Variants in EGLN1 observed in about 807,000 individuals in gnomAD.
The protein encoded by EGLN1 is egl-9 family hypoxia inducible factor 1.
EGLN1 carries 17 observed loss-of-function variants against 38.3 expected under a neutral mutation model. That is an observed-to-expected ratio of 0.44 (90% CI 0.30 to 0.67). The LOEUF (loss-of-function observed/expected upper bound fraction) is 0.67. Among genes scored for constraint, EGLN1 ranks in the 30% least tolerant of loss-of-function variants. EGLN1 has a pLI of 0.08. For synonymous variants in EGLN1, 283 were observed against 257.5 expected, an observed-to-expected ratio of 1.10 and a Z score of -0.95; for missense variants, 477 against 603.3, an observed-to-expected ratio of 0.79 and a Z score of 2.19.
chr1:231,421,908 A>T lies in EGLN1; in HGVS notation c.-20T>A. On this transcript the variant is annotated 5_prime_UTR_variant, in exon 1 of 5. Coordinates refer to ENST00000366641, the MANE Select transcript of EGLN1 (RefSeq NM_022051.3). The surrounding 1 kb of genome is among the most constrained non-coding windows in gnomAD (Gnocchi z 5.5). ...GGCCATGGCGGCGGCGGCGGCGGCGACGGCGACTGCGGCGGCCGAGCAGGA... is the reference window on the plus strand; with the variant it reads ...GGCCATGGCGGCGGCGGCGGCGGCGTCGGCGACTGCGGCGGCCGAGCAGGA... 1 of 1,391,668 alleles carries T rather than the reference A, an allele frequency of 7.2e-7. No homozygotes were observed. The highest frequency in any genetic ancestry group is 9.2e-7 in the Non-Finnish European group (1 of 1,082,818). The allele number at this position is 1,391,668 out of a possible 1,614,324, so 86.2% of individuals were successfully genotyped here.
At chr1:231,407,383 T>C (rs1385538826) in intron 1 of EGLN1, among the ~76,000 whole-genome samples, 1 of 152,182 alleles carries the variant, frequency 6.6e-6, no homozygotes, top group Non-Finnish European at 1.5e-5. Context: ...TCCACGTAAT[T>C]GACATTTTGA....
intron 1 of EGLN1, among the ~76,000 whole-genome samples, chr1:231,419,521 C>T (rs1009876551): frequency 1.3e-5 from 2 of 152,198 alleles, no homozygotes; most frequent in Admixed American, 6.5e-5. Context: ...TGCTCTGGAG[C>T]TCAGGACTTT....
rs1656627375 is a variant in EGLN1 at position 231,421,767 on chromosome 1, TAGA to T, written c.119_121del (p.Phe40del). 1 of 1,555,368 alleles carries T rather than the reference TAGA, an allele frequency of 6.4e-7. No individual in the cohort carries two copies. The highest frequency in any genetic ancestry group is 1.4e-5 in the African/African-American group (1 of 71,468). ...CTGACGCTGGTGCTCCTTGCAGCAG[TAGA>T]AGGAGCTGCGGCAGCGGCTGCAGCG... On this transcript the variant is annotated inframe_deletion, in exon 1 of 5. Transcript: ENST00000366641. The surrounding 1 kb of genome is among the most constrained non-coding windows in gnomAD (Gnocchi z 5.5).
At chr1:231,382,839 T>A (rs962979707) in intron 1 of EGLN1, among the ~76,000 whole-genome samples, 3 of 151,954 alleles carry the variant, frequency 2.0e-5, no homozygotes, top group Admixed American at 6.6e-5. Context: ...AGGTGGATCA[T>A]CTGAGGTCAG....
At chr1:231,414,656 G>C (rs888361972) in intron 1 of EGLN1, among the ~76,000 whole-genome samples, 6 of 151,422 alleles carry the variant, frequency 4.0e-5, no homozygotes, top group South Asian at 2.1e-4. Flanking sequence ...AAAGGGAGAA[G>C]AAAGTCTCGA....
intron 1 of EGLN1, among the ~76,000 whole-genome samples, chr1:231,413,441 T>C (rs1572051202): frequency 6.6e-6 from 1 of 152,164 alleles, no homozygotes. Flanking sequence ...CTTCCACATA[T>C]CCACATAACT....
intron 2 of EGLN1, among the ~76,000 whole-genome samples, chr1:231,372,547 C>CA (rs1255940125): frequency 6.6e-6 from 1 of 152,120 alleles, no homozygotes; most frequent in Non-Finnish European, 1.5e-5. Flanking sequence ...GAAAAAAAGT[C>CA]AATTTTTAAA....
At chr1:231,378,452 A>G (rs994962401) in intron 1 of EGLN1, among the ~76,000 whole-genome samples, 18 of 152,130 alleles carry the variant, frequency 1.2e-4, no homozygotes, top group Admixed American at 5.9e-4. Flanking sequence ...AATATATATG[A>G]TTAAGGATGT....
chr1:231,372,221 T>C lies in EGLN1; in HGVS notation c.1012-1523A>G, dbSNP rs142320648. Among the ~76,000 whole-genome samples, 283 of 152,352 alleles carry C rather than the reference T, an allele frequency of 1.9e-3. 1 individual carries two copies. The highest frequency in any genetic ancestry group is 6.5e-3 in the African/African-American group (269 of 41,574). ...GACACTTTGCATAACTATCTGTAAC[T>C]GTCAATCTTTCTGATCTGTATCCTC... On this transcript the variant is annotated intron_variant, in intron 2 of 4. Coordinates refer to ENST00000366641, the MANE Select transcript of EGLN1 (RefSeq NM_022051.3).
intron 1 of EGLN1, among the ~76,000 whole-genome samples, chr1:231,388,953 C>T (rs575481659): frequency 1.3e-5 from 2 of 152,206 alleles, no homozygotes; most frequent in South Asian, 4.1e-4. Flanking sequence ...CCGCGCCCAG[C>T]CTAGCTAGTC....
Position 231,421,986 on chromosome 1 carries a change from G to A in EGLN1, c.-98C>T. On this transcript the variant is annotated 5_prime_UTR_variant, in exon 1 of 5. Coordinates refer to ENST00000366641, the MANE Select transcript of EGLN1 (RefSeq NM_022051.3). This position sits in a 1 kb window ranked among gnomAD's most constrained non-coding sequence, Gnocchi z 5.5. ...AGGCTGGGGAGCGGGGAGAGAGATA[G>A]GGGCCGTTACTGCGCCATGCACCCG... is the stretch of plus-strand genomic sequence containing the variant. The A allele has an allele frequency of 7.1e-6, 9 of 1,264,740 alleles. No homozygotes were observed. In the South Asian group the frequency reaches 1.8e-4, roughly 25 times the overall value. 78.3% of individuals were successfully genotyped at this position (1,264,740 alleles called of 1,614,324 possible).
At chr1:231,413,319 G>A (rs1468352263) in intron 1 of EGLN1, among the ~76,000 whole-genome samples, 3 of 151,870 alleles carry the variant, frequency 2.0e-5, no homozygotes, top group South Asian at 2.1e-4. Flanking sequence ...CAAGTGATCC[G>A]CCCACCTCGA....
intron 1 of EGLN1, among the ~76,000 whole-genome samples, chr1:231,418,495 G>A (rs1469205950): frequency 3.3e-5 from 5 of 152,116 alleles, no homozygotes; most frequent in Admixed American, 3.3e-4. Flanking sequence ...TATAGTAAGT[G>A]GTAGACCTCT....
chr1:231,383,502 C>G (rs2491408), intron 1 of EGLN1, among the ~76,000 whole-genome samples: 82,947 of 152,066 alleles, frequency 0.55, 24,247 homozygotes, highest in Non-Finnish European at 0.65. Flanking sequence ...GAGAAAGTGA[C>G]AAACGTGCAG....
At chr1:231,380,208 T>A (rs1225812494) in intron 1 of EGLN1, among the ~76,000 whole-genome samples, 1 of 150,680 alleles carries the variant, frequency 6.6e-6, no homozygotes, top group East Asian at 2.0e-4. Flanking sequence ...ATAAAGTCAT[T>A]TAGAATAAGA....
chr1:231,364,974 TAAG>T lies in EGLN1; in HGVS notation c.*1434_*1436del, dbSNP rs201012894. On this transcript the variant is annotated 3_prime_UTR_variant, in exon 5 of 5. Transcript: ENST00000366641. ...ATTCCTTCCTTGTTTAAAAAGTAAA[TAAG>T]AAAACCCATGAAACAAAATAAAATT... 2.3e-3 allele frequency: 348 copies of T among 152,276 alleles called. 1 individual carries two copies. Among genetic ancestry groups the T allele is most frequent in the African/African-American group, 8.0e-3 (331 of 41,560 alleles). 9.4% of individuals were successfully genotyped at this position (152,276 alleles called of 1,614,324 possible).
chr1:231,385,898 T>C (rs1045893597), intron 1 of EGLN1, among the ~76,000 whole-genome samples: 7 of 152,218 alleles, frequency 4.6e-5, no homozygotes, highest in Admixed American at 4.6e-4. Flanking sequence ...GCTCTGTTGC[T>C]GGAGTGCAGT....
intron 3 of EGLN1, 31 bp from the exon 4 acceptor site, chr1:231,367,667 G>A: frequency 6.3e-7 from 1 of 1,593,762 alleles, no homozygotes; most frequent in Non-Finnish European, 8.6e-7. Flanking sequence ...GGATAAGAAT[G>A]ATCACACTGC....
Position 231,403,767 on chromosome 1 carries a change from C to CAAAA in EGLN1, c.891+17227_891+17230dup, listed in dbSNP as rs1167705317. Among the ~76,000 whole-genome samples the CAAAA allele has an allele frequency of 1.4e-3, 26 of 18,290 alleles. 1 individual carries two copies. The highest frequency in any genetic ancestry group is 3.9e-3 in the African/African-American group (24 of 6,142). The allele number at this position is 18,290 out of a possible 152,430, so 12.0% of individuals were successfully genotyped here. On this transcript the variant is annotated intron_variant, in intron 1 of 4. Transcript: ENST00000366641. ...TGGTCAACAGAGCCAGACTCCATCT[C>CAAAA]AAAAAAAAAAAAAAAAAAAAAAAAA...
Sources: gnomAD v4.1 joint callset for allele counts (sites outside exome capture counted in the v4.1 genomes callset) on GRCh38, gnomAD v4.1.1 for gene constraint, Gnocchi (gnomAD v3.1) non-coding constraint, MANE v1.5 for transcripts, NCBI Gene and HGNC (gene_info 2026-07-23, HGNC 2026-07-21) for gene names.